SLIRP: variants seen among roughly 807,000 people sequenced by gnomAD.
The protein encoded by SLIRP is SRA stem-loop-interacting RNA-binding protein, mitochondrial.
In SLIRP, 12 loss-of-function variants were observed where a neutral mutation model predicts 13.4. The observed-to-expected ratio is 0.89, with a 90% CI of 0.57 to 1.45. SLIRP has a LOEUF of 1.45. SLIRP is among the 40% of genes most tolerant of loss of function. The pLI is 0.00. For missense variants in SLIRP, 154 were observed against 132.2 expected, an observed-to-expected ratio of 1.17 and a Z score of -0.81; for synonymous variants, 55 against 47.1, an observed-to-expected ratio of 1.17 and a Z score of -0.69.
At chr14:77,717,213 C>G (rs1236241033) in intron 3 of SLIRP, among the ~76,000 whole-genome samples, 1 of 152,172 alleles carries the variant, frequency 6.6e-6, no homozygotes, top group South Asian at 2.1e-4. Context: ...GTGTTGAACT[C>G]CTGGCCTCAA....
In SLIRP at chr14:77,708,285, C is replaced by T. The variant is rs1490385337; in HGVS notation, c.97+77C>T. The T allele has an allele frequency of 6.2e-6, 9 of 1,443,800 alleles. No homozygotes were observed. The African/African-American group carries it at 8.4e-5, about 13-fold the overall frequency. The allele number at this position is 1,443,800 out of a possible 1,614,324, so 89.4% of individuals were successfully genotyped here. On this transcript the variant is annotated intron_variant, in intron 1 of 3. Coordinates refer to ENST00000557342, the MANE Select transcript of SLIRP (RefSeq NM_031210.6). ...CAAAGCTTCTGCTTTTTGCAGGGTA[C>T]TTAAGTCAGCGTGGTGGCTGAATTA... is the stretch of plus-strand genomic sequence containing the variant.
chr14:77,708,129 G>C lies in SLIRP; in HGVS notation c.18G>C (p.Ala6=). 3 of 1,614,112 alleles carry C rather than the reference G, an allele frequency of 1.9e-6. No homozygotes were observed. The highest frequency in any genetic ancestry group is 1.7e-6 in the Non-Finnish European group (2 of 1,180,012). Residue 6 remains alanine, a synonymous_variant, in exon 1 of 4, where the codon GCG becomes GCC. Transcript: ENST00000557342. MAASA[A]RGAAALRRSI... ...GTCTGAAGATGGCGGCCTCAGCAGC[G>C]AGAGGTGCTGCGGCGCTGCGTAGAA...
chr14:77,714,681 C>T (rs371889094), intron 2 of SLIRP, among the ~76,000 whole-genome samples: 2 of 152,346 alleles, frequency 1.3e-5, no homozygotes, highest in South Asian at 4.1e-4. Context: ...ATTGTTGTAT[C>T]TACAATGAAT....
chr14:77,711,208 TATATATAA>T (rs144002392), intron 2 of SLIRP, among the ~76,000 whole-genome samples: 15,037 of 147,752 alleles, frequency 0.1, 886 homozygotes, highest in African/African-American at 0.15. Context: ...TACATATTTA[TATATATAA>T]ATATATAAAT....
At chr14:77,710,743 G>A in intron 1 of SLIRP, 95 bp from the exon 2 acceptor site, 4 of 1,581,758 alleles carry the variant, frequency 2.5e-6, no homozygotes, top group Non-Finnish European at 3.5e-6. Flanking sequence ...AGTAGTTCCT[G>A]TCCACAAGAA....
intron 2 of SLIRP, among the ~76,000 whole-genome samples, chr14:77,714,335 C>G (rs927567165): frequency 1.3e-5 from 2 of 152,182 alleles, no homozygotes; most frequent in Admixed American, 6.5e-5. Context: ...CAGCCTTGCT[C>G]TGTCGCCCAG....
chr14:77,712,275 C>CTTTT lies in SLIRP; in HGVS notation c.156+1391_156+1394dup, dbSNP rs35035208. Among the ~76,000 whole-genome samples the CTTTT allele has an allele frequency of 1.7e-3, 238 of 137,388 alleles. 1 individual carries two copies. The highest frequency in any genetic ancestry group is 5.9e-3 in the African/African-American group (217 of 36,544). 90.1% of individuals were successfully genotyped at this position (137,388 alleles called of 152,430 possible). On this transcript the variant is annotated intron_variant, in intron 2 of 3. Coordinates refer to ENST00000557342, the MANE Select transcript of SLIRP (RefSeq NM_031210.6). ...CTCCCTCATGTGGTTGGCAAAATTC[C>CTTTT]TTTTTTTTTTTTTTTGAGATGGAGT...
At chr14:77,716,350 A>G (rs138123033) in intron 3 of SLIRP, 1 of 146,496 alleles carries the variant, frequency 6.8e-6, no homozygotes, top group African/African-American at 2.6e-5. Flanking sequence ...ACAAAAAAAG[A>G]ATGGTGCGGT....
intron 3 of SLIRP, 83 bp from the exon 4 acceptor site, chr14:77,717,413 C>G (rs2080495015): frequency 8.7e-7 from 1 of 1,144,966 alleles, no homozygotes; most frequent in Admixed American, 2.0e-5. Context: ...ATTATTCATA[C>G]TGACTCCCTA....
chr14:77,714,375 A>T (rs571567053), intron 2 of SLIRP, among the ~76,000 whole-genome samples: 3 of 152,170 alleles, frequency 2.0e-5, no homozygotes. Flanking sequence ...ATCTCAGCTC[A>T]CTGCAATCGC....
chr14:77,709,093 T>C (rs1010160199), intron 1 of SLIRP, among the ~76,000 whole-genome samples: 3 of 152,212 alleles, frequency 2.0e-5, no homozygotes, highest in African/African-American at 7.2e-5. Flanking sequence ...CAGCAAATGA[T>C]AGTTATTTTC....
At chr14:77,717,152 TATTTTAAATTTTA>T in intron 3 of SLIRP, among the ~76,000 whole-genome samples, 1 of 106,332 alleles carries the variant, frequency 9.4e-6, no homozygotes, top group South Asian at 2.8e-4. Context: ...TTTACTATTT[TATTTTAAATTTTA>T]GTTTTAATGA....
intron 2 of SLIRP, among the ~76,000 whole-genome samples, chr14:77,714,100 T>G (rs1438561957): frequency 6.6e-6 from 1 of 152,004 alleles, no homozygotes; most frequent in Non-Finnish European, 1.5e-5. Flanking sequence ...CTTGAACTCC[T>G]GGGTTCAAGG....
chr14:77,710,912 A>G lies in SLIRP; in HGVS notation c.156+16A>G. On this transcript the variant is annotated intron_variant, in intron 2 of 3. Transcript: ENST00000557342. ...TTTACCTTTTGTAAGTATTAAGGAA[A>G]AGTAGGTGGGAGGTGGGGATGGCTA... 1 of 1,613,738 alleles carries G rather than the reference A, an allele frequency of 6.2e-7. No homozygotes were observed. Among genetic ancestry groups the G allele is most frequent in the South Asian group, 1.1e-5 (1 of 91,070 alleles).
In SLIRP at chr14:77,711,196, T is replaced by A. The variant is rs185848365; in HGVS notation, c.156+300T>A. On this transcript the variant is annotated intron_variant, in intron 2 of 3. Transcript: ENST00000557342. ...AACATCTCATGTACTCCATAATAAA[T>A]ATACATATTTATATATATAAATATA... Among the ~76,000 whole-genome samples the A allele has an allele frequency of 5.6e-3, 819 of 146,040 alleles. 8 individuals are homozygous for A. Among genetic ancestry groups the A allele is most frequent in the Non-Finnish European group, 7.6e-3 (504 of 66,720 alleles).
chr14:77,713,619 A>T lies in SLIRP; in HGVS notation c.157-2153A>T, dbSNP rs185733002. Among the ~76,000 whole-genome samples the T allele has an allele frequency of 3.3e-5, 5 of 152,356 alleles. No homozygotes were observed. In the East Asian group the frequency reaches 9.6e-4, roughly 29 times the overall value. On this transcript the variant is annotated intron_variant, in intron 2 of 3. Transcript: ENST00000557342. ...CTAGCGGTTACTTTTCTAAGAATTT[A>T]TCCTACAGAAATGTGTGGTCAAGAA... is the stretch of plus-strand genomic sequence containing the variant.
intron 2 of SLIRP, among the ~76,000 whole-genome samples, chr14:77,715,025 A>G (rs2080465773): frequency 6.6e-6 from 1 of 151,846 alleles, no homozygotes; most frequent in Non-Finnish European, 1.5e-5. Context: ...AGGGCTAAAT[A>G]TTATCTTTTC....
At chr14:77,708,985 A>G (rs2080418637) in intron 1 of SLIRP, among the ~76,000 whole-genome samples, 1 of 152,240 alleles carries the variant, frequency 6.6e-6, no homozygotes, top group Non-Finnish European at 1.5e-5. Flanking sequence ...TTACTCATCG[A>G]TAAAATGGAG....
Position 77,717,485 on chromosome 14 carries a change from A to ATT in SLIRP, c.265-5_265-4dup. The ATT allele has an allele frequency of 6.2e-7, 1 of 1,611,496 alleles. No individual in the cohort carries two copies. ...TTGCCTTTCCTCCCTTACAGTGCTT[A>ATT]TTTTTTTAAGGTCCAGGTTCACACT... is the stretch of plus-strand genomic sequence containing the variant. On this transcript the variant is annotated splice_polypyrimidine_tract_variant and intron_variant, in intron 3 of 3. Coordinates refer to ENST00000557342, the MANE Select transcript of SLIRP (RefSeq NM_031210.6).
Sources: gnomAD v4.1 joint callset for allele counts (sites outside exome capture counted in the v4.1 genomes callset) on GRCh38, gnomAD v4.1.1 for gene constraint, MANE v1.5 for transcripts, NCBI Gene and HGNC (gene_info 2026-07-23, HGNC 2026-07-21) for gene names.